The following ANK3 variants were observed in gnomAD, a reference collection of about 807,000 sequenced individuals.
The protein encoded by ANK3 is ankyrin 3.
Under a neutral mutation model 370.9 loss-of-function variants are expected in ANK3, and 57 were observed. That is an observed-to-expected ratio of 0.15 (90% CI 0.12 to 0.19). The LOEUF is 0.19. Among genes scored for constraint, ANK3 ranks in the 10% least tolerant of loss-of-function variants. The pLI is 1.00. For missense variants in ANK3, 4,439 were observed against 5,302.1 expected (o/e 0.84, Z 5.06); for synonymous variants, 1,929 against 1,946.3 (o/e 0.99, Z 0.23).
intron 27 of ANK3, chr10:60,108,401 T>C (rs917468127): frequency 4.2e-6 from 1 of 238,880 alleles, no homozygotes; most frequent in African/African-American, 2.3e-5. Flanking sequence ...GAAAATGAAT[T>C]AAATTCATTT....
chr10:60,527,345 T>C (rs192747566), intron 2 of ANK3, among the ~76,000 whole-genome samples: 348 of 152,240 alleles, frequency 2.3e-3, no homozygotes, highest in Non-Finnish European at 3.9e-3. Context: ...ATGTACACTA[T>C]GTAACCATAC....
At chr10:60,060,014 A>C (rs1478653215) in intron 40 of ANK3, 1 of 1,561,036 alleles carries the variant, frequency 6.4e-7, no homozygotes, top group East Asian at 2.3e-5. Context: ...AACCTATGGA[A>C]GACAGTACAT....
chr10:60,471,208 A>G (rs1277775642), intron 2 of ANK3, among the ~76,000 whole-genome samples: 2 of 152,196 alleles, frequency 1.3e-5, no homozygotes. Context: ...AAAGCAAATT[A>G]CAAGCCAATT....
At chr10:60,496,505 C>T (rs2075659200) in intron 2 of ANK3, among the ~76,000 whole-genome samples, 1 of 151,672 alleles carries the variant, frequency 6.6e-6, no homozygotes, top group Admixed American at 6.6e-5. Flanking sequence ...TTTATTTCTT[C>T]ATAGAATACT....
intron 2 of ANK3, among the ~76,000 whole-genome samples, chr10:60,583,641 T>C (rs1431817498): frequency 6.6e-6 from 1 of 151,652 alleles, no homozygotes; most frequent in Admixed American, 6.6e-5. Flanking sequence ...CAGGTTGCAG[T>C]GGCACGATCT....
At chr10:60,256,178 C>T (rs953597267) in intron 7 of ANK3, among the ~76,000 whole-genome samples, 5 of 152,216 alleles carry the variant, frequency 3.3e-5, no homozygotes, top group Non-Finnish European at 7.3e-5. Flanking sequence ...TGCAGCTATG[C>T]TTTGGGGACT....
At chr10:60,728,263 C>G (rs563378698) in intron 1 of ANK3, among the ~76,000 whole-genome samples, 1 of 152,170 alleles carries the variant, frequency 6.6e-6, no homozygotes, top group African/African-American at 2.4e-5. Context: ...TTCTTCTACA[C>G]CCAAGTCCTT....
intron 39 of ANK3, 67 bp downstream of exon 39, chr10:60,064,090 A>C: frequency 7.1e-7 from 1 of 1,404,018 alleles, no homozygotes; most frequent in Non-Finnish European, 9.5e-7. Context: ...TGAACCTAAC[A>C]GTTGGCTTAT....
chr10:60,299,897 A>G (rs573920208), intron 1 of ANK3, among the ~76,000 whole-genome samples: 1 of 152,314 alleles, frequency 6.6e-6, no homozygotes, highest in African/African-American at 2.4e-5. Context: ...CAACTGTAAA[A>G]TTTCATATTG....
intron 1 of ANK3, among the ~76,000 whole-genome samples, chr10:60,665,439 T>C (rs1281894232): frequency 6.6e-6 from 1 of 152,142 alleles, no homozygotes; most frequent in East Asian, 1.9e-4. Flanking sequence ...ACAACAAATG[T>C]GTTGTCTGGC....
intron 2 of ANK3, among the ~76,000 whole-genome samples, chr10:60,561,729 GCACCA>G (rs1177579539): frequency 2.6e-5 from 4 of 152,206 alleles, no homozygotes; most frequent in African/African-American, 7.2e-5. Context: ...CAGAGCCTGA[GCACCA>G]CAAGGCCTTT....
rs141782079 is a variant in ANK3 at position 60,321,800 on chromosome 10, G to A, written c.115-42161C>T. On this transcript the variant is annotated intron_variant, in intron 1 of 43. Transcript: ENST00000280772. ...CTGCCTCCCCTTTGTTGATCATCAG[G>A]GTCATGAGAACAGTACATTTATTGA... Among the ~76,000 whole-genome samples the A allele has an allele frequency of 3.7e-3, 565 of 152,174 alleles. 2 individuals are homozygous for A. Among genetic ancestry groups the A allele is most frequent in the African/African-American group, 0.013 (524 of 41,504 alleles).
chr10:60,306,774 T>C (rs1188470555), intron 1 of ANK3, among the ~76,000 whole-genome samples: 2 of 152,202 alleles, frequency 1.3e-5, no homozygotes, highest in Non-Finnish European at 2.9e-5. Flanking sequence ...TATTGTGAGT[T>C]GATATTGCTG....
At chr10:60,429,046 T>A (rs1448970765) in intron 2 of ANK3, among the ~76,000 whole-genome samples, 8 of 152,124 alleles carry the variant, frequency 5.3e-5, no homozygotes, top group Admixed American at 2.0e-4. Flanking sequence ...AATCTAGCTT[T>A]AATTCAACTG....
At chr10:60,386,416 C>T (rs142125728) in intron 1 of ANK3, among the ~76,000 whole-genome samples, 212 of 151,846 alleles carry the variant, frequency 1.4e-3, no homozygotes, top group East Asian at 5.4e-3. Context: ...TCCACCTAGA[C>T]GCATTTCCTT....
chr10:60,423,421 CT>C lies in ANK3; in HGVS notation c.97-143783del, dbSNP rs71015793. Among the ~76,000 whole-genome samples, 384 of 148,244 alleles carry C rather than the reference CT, an allele frequency of 2.6e-3. 2 individuals carry two copies. The highest frequency in any genetic ancestry group is 7.9e-3 in the African/African-American group (319 of 40,494). On this transcript the variant is annotated intron_variant, in intron 2 of 43. Transcript: ENST00000373827. Reference sequence around the variant, plus strand: ...CTATTCTGCAACAATGATTCTCCATCTTTTTTTTTTTCACAGCACACTCTGC... The same window carrying C: ...CTATTCTGCAACAATGATTCTCCATCTTTTTTTTTTCACAGCACACTCTGC...
chr10:60,733,124 CG>C (rs2080049301), intron 1 of ANK3: 1 of 667,124 alleles, frequency 1.5e-6, no homozygotes, highest in African/African-American at 1.9e-5. Context: ...CTCGCCCTCC[CG>C]GAGCCTCGCG....
chr10:60,493,568 A>T (rs752643115), intron 2 of ANK3, among the ~76,000 whole-genome samples: 8 of 152,118 alleles, frequency 5.3e-5, no homozygotes, highest in Non-Finnish European at 1.0e-4. Context: ...AGGTAAAGAG[A>T]TTAATGAACT....
intron 2 of ANK3, among the ~76,000 whole-genome samples, chr10:60,396,101 G>A (rs1368959350): frequency 1.3e-5 from 2 of 152,162 alleles, no homozygotes; most frequent in African/African-American, 4.8e-5. Flanking sequence ...GAATGAAGCC[G>A]ATAAGATCCC....
Sources: allele counts gnomAD v4.1 joint callset (sites outside exome capture counted in the v4.1 genomes callset), GRCh38; gene constraint gnomAD v4.1.1; transcripts MANE v1.5; gene names NCBI Gene and HGNC (gene_info 2026-07-23, HGNC 2026-07-21).